SHISA9: variants seen among roughly 807,000 people sequenced by gnomAD.
The protein encoded by SHISA9 is protein shisa-9.
A neutral mutation model predicts 38.0 loss-of-function variants in SHISA9; 13 were observed. The ratio of observed to expected loss-of-function variants is 0.34; its 90% confidence interval spans 0.22 to 0.54. SHISA9 has a LOEUF of 0.54. Among genes scored for constraint, SHISA9 ranks in the 20% least tolerant of loss-of-function variants. The probability of loss-of-function intolerance (pLI) is 0.91; values close to 1 mark genes in which losing one functional copy is unlikely to be tolerated. For synonymous variants in SHISA9, 275 were observed against 242.0 expected, an observed-to-expected ratio of 1.14 and a Z score of -1.27; for missense variants, 538 against 575.8, an observed-to-expected ratio of 0.93 and a Z score of 0.67.
chr16:13,302,787 A>G, the SHISA9 span, among the ~76,000 whole-genome samples: 1 of 151,890 alleles, frequency 6.6e-6, no homozygotes, highest in African/African-American at 2.4e-5. Flanking sequence ...CATAATCCCC[A>G]TGTGTCGAGG....
chr16:12,914,372 T>A (rs1291941011), intron 1 of SHISA9, among the ~76,000 whole-genome samples: 1 of 152,150 alleles, frequency 6.6e-6, no homozygotes, highest in Non-Finnish European at 1.5e-5. Context: ...TTTGTTTATT[T>A]TTTTTTTAAA....
chr16:13,377,498 C>A, the SHISA9 span, among the ~76,000 whole-genome samples: 1 of 152,188 alleles, frequency 6.6e-6, no homozygotes, highest in Non-Finnish European at 1.5e-5. Context: ...CTAGGCCATG[C>A]TGAGCAGAGA....
At chr16:13,364,322 G>A in the SHISA9 span, among the ~76,000 whole-genome samples, 1 of 152,194 alleles carries the variant, frequency 6.6e-6, no homozygotes, top group African/African-American at 2.4e-5. Context: ...GGAAGGAAAA[G>A]CAATTGTCTC....
At chr16:13,209,453 C>G (rs1397509881) in intron 3 of SHISA9, among the ~76,000 whole-genome samples, 1 of 152,196 alleles carries the variant, frequency 6.6e-6, no homozygotes, top group Non-Finnish European at 1.5e-5. Context: ...TCAGTCTAGA[C>G]CTCTTCAAGT....
Position 13,019,946 on chromosome 16 carries a change from T to TCTTTCTTTC in SHISA9, c.691+103132_691+103140dup. 3.0e-5 allele frequency among the ~76,000 whole-genome samples: 3 copies of TCTTTCTTTC among 98,800 alleles called. 1 individual carries two copies. The South Asian group carries it at 1.1e-3, about 35-fold the overall frequency. The allele number at this position is 98,800 out of a possible 152,430, so 64.8% of individuals were successfully genotyped here. ...TTCTTTCTTTCTTTCTTTCTTTCTT[T>TCTTTCTTTC]CTTTCTTTCTTTCCCTCCTTCTTTC... On this transcript the variant is annotated intron_variant, in intron 2 of 4. Transcript: ENST00000558583.
intron 2 of SHISA9, among the ~76,000 whole-genome samples, chr16:13,186,287 C>CT (rs1567239378): frequency 4.8e-5 from 6 of 123,814 alleles, no homozygotes; most frequent in Non-Finnish European, 8.4e-5. Context: ...ACCATCTTAA[C>CT]CTTTTTTTTT....
the SHISA9 span, among the ~76,000 whole-genome samples, chr16:13,337,621 T>C: frequency 2.0e-5 from 3 of 152,230 alleles, no homozygotes; most frequent in Admixed American, 2.0e-4. Context: ...CTGATTTTTC[T>C]TGATGCAAAT....
chr16:13,260,753 G>A, the SHISA9 span, among the ~76,000 whole-genome samples: 3 of 152,206 alleles, frequency 2.0e-5, no homozygotes, highest in South Asian at 2.1e-4. Context: ...TTCCAAAGTC[G>A]CTTCCACATT....
At chr16:13,324,024 G>A in the SHISA9 span, among the ~76,000 whole-genome samples, 1 of 152,146 alleles carries the variant, frequency 6.6e-6, no homozygotes, top group South Asian at 2.1e-4. Context: ...AGAGCTGGGT[G>A]TTTAAAGGAG....
chr16:13,231,684 T>C (rs111393193), intron 4 of SHISA9, among the ~76,000 whole-genome samples: 2,281 of 152,348 alleles, frequency 0.015, 22 homozygotes, highest in Non-Finnish European at 0.02. Context: ...AGTTAATATG[T>C]GGCTTCCTGG....
intron 2 of SHISA9, among the ~76,000 whole-genome samples, chr16:12,981,291 T>A (rs1209987079): frequency 6.6e-6 from 1 of 152,210 alleles, no homozygotes; most frequent in Non-Finnish European, 1.5e-5. Context: ...CAGCCCTGAT[T>A]TTATCTCTGG....
chr16:13,122,628 GA>G (rs2050223147), intron 2 of SHISA9, among the ~76,000 whole-genome samples: 1 of 152,170 alleles, frequency 6.6e-6, no homozygotes. Context: ...GGCTGTTGCA[GA>G]AAAAAGGGGG....
At chr16:13,278,702 T>C in the SHISA9 span, among the ~76,000 whole-genome samples, 1 of 152,216 alleles carries the variant, frequency 6.6e-6, no homozygotes, top group Admixed American at 6.5e-5. Flanking sequence ...TATATGCACA[T>C]AAAGGTGTTC....
At chr16:13,048,728 C>T (rs778387101) in intron 2 of SHISA9, among the ~76,000 whole-genome samples, 6 of 152,160 alleles carry the variant, frequency 3.9e-5, no homozygotes, top group Non-Finnish European at 8.8e-5. Flanking sequence ...GGCTGACTTA[C>T]AGCATTTTTT....
the SHISA9 span, among the ~76,000 whole-genome samples, chr16:13,542,894 C>T: frequency 6.6e-6 from 1 of 152,300 alleles, no homozygotes; most frequent in East Asian, 1.9e-4. Flanking sequence ...GCTTTACTGA[C>T]AGGCAGGTTC....
At chr16:12,916,011 G>GGTTTTTTTTTTTTTTTT (rs774277866) in intron 1 of SHISA9, among the ~76,000 whole-genome samples, 1 of 90,432 alleles carries the variant, frequency 1.1e-5, no homozygotes. Context: ...GTGTGTGTGT[G>GGTTTTTTTTTTTTTTTT]TTTTTTTTTT....
the SHISA9 span, among the ~76,000 whole-genome samples, chr16:13,278,591 CTGTT>C: frequency 2.6e-5 from 4 of 151,964 alleles, no homozygotes; most frequent in South Asian, 2.1e-4. Context: ...TTCAATCTCA[CTGTT>C]TGTTATTGGT....
At chr16:13,141,101 G>A (rs1437311209) in intron 2 of SHISA9, among the ~76,000 whole-genome samples, 1 of 151,890 alleles carries the variant, frequency 6.6e-6, no homozygotes, top group Non-Finnish European at 1.5e-5. Context: ...AAAATTTAGA[G>A]GACAAAGAAA....
intron 2 of SHISA9, among the ~76,000 whole-genome samples, chr16:13,171,077 G>A (rs1346307116): frequency 6.6e-6 from 1 of 152,240 alleles, no homozygotes; most frequent in South Asian, 2.1e-4. Context: ...AGGGCCTCAG[G>A]AAGTTTCCAA....
Sources: gnomAD v4.1 joint callset for allele counts (sites outside exome capture counted in the v4.1 genomes callset) on GRCh38, gnomAD v4.1.1 for gene constraint, MANE v1.5 for transcripts, NCBI Gene and HGNC (gene_info 2026-07-23, HGNC 2026-07-21) for gene names.